The following AEBP2 variants were observed in gnomAD, a reference collection of about 807,000 sequenced individuals.
AEBP2 encodes zinc finger protein AEBP2.
AEBP2 carries 10 observed loss-of-function variants against 50.8 expected under a neutral mutation model. The ratio of observed to expected loss-of-function variants is 0.20; its 90% CI spans 0.12 to 0.33. The LOEUF is 0.33. AEBP2 is among the 10% of genes least tolerant of loss of function. The pLI, the probability that AEBP2 is intolerant of heterozygous loss-of-function variation, is 1.00. For synonymous variants in AEBP2, 296 were observed against 261.3 expected (o/e 1.13, Z -1.28); for missense variants, 570 against 688.0 (o/e 0.83, Z 1.92).
At chr12:19,509,111 A>G in intron 5 of AEBP2, 1 of 547,964 alleles carries the variant, frequency 1.8e-6, no homozygotes, top group Non-Finnish European at 3.4e-6. Context: ...GATTGTCCAA[A>G]GCAAAGAACA....
intron 5 of AEBP2, among the ~76,000 whole-genome samples, chr12:19,508,251 G>A (rs1949182186): frequency 3.3e-5 from 5 of 152,100 alleles, no homozygotes; most frequent in Admixed American, 3.3e-4. Context: ...ACTAGAAACG[G>A]GGATTCACCA....
intron 1 of AEBP2, among the ~76,000 whole-genome samples, chr12:19,448,107 A>T (rs1251793212): frequency 6.6e-6 from 1 of 152,090 alleles, no homozygotes; most frequent in Non-Finnish European, 1.5e-5. Flanking sequence ...AGGTCTTGCT[A>T]TGTTGCCGAG....
At chr12:19,513,573 G>T (rs567574718) in intron 6 of AEBP2, among the ~76,000 whole-genome samples, 2 of 152,254 alleles carry the variant, frequency 1.3e-5, no homozygotes, top group Middle Eastern at 3.4e-3. Context: ...AGCCTGGGCA[G>T]TATAGTGAAT....
chr12:19,440,870 C>G (rs1176350238), intron 1 of AEBP2: 6 of 1,040,138 alleles, frequency 5.8e-6, no homozygotes, highest in Non-Finnish European at 8.2e-6. Flanking sequence ...TCTACTTAAA[C>G]AAAAAAAGGA....
At chr12:19,463,478 A>G (rs1043640977) in intron 2 of AEBP2, among the ~76,000 whole-genome samples, 1 of 152,136 alleles carries the variant, frequency 6.6e-6, no homozygotes, top group Non-Finnish European at 1.5e-5. Context: ...TAGGCCACAC[A>G]TTTCCTATCA....
rs111420753 is a variant in AEBP2 at position 19,417,250 on chromosome 12, A to G, written c.-17+13034A>G. 2.9e-3 allele frequency among the ~76,000 whole-genome samples: 440 copies of G among 152,262 alleles called. 1 individual carries two copies. The highest frequency in any genetic ancestry group is 9.9e-3 in the African/African-American group (413 of 41,558). On this transcript the variant is annotated intron_variant, in intron 1 of 3. Transcript: ENST00000538425. ...TCCAGCTAAAGTGATTATTCAAACT[A>G]CTACCTAGATCTTCTAAATACACGC...
At chr12:19,422,098 C>T (rs952262540) in intron 1 of AEBP2, among the ~76,000 whole-genome samples, 18 of 151,926 alleles carry the variant, frequency 1.2e-4, no homozygotes, top group African/African-American at 2.4e-4. Flanking sequence ...GCTGAGATTG[C>T]GCCACTGCAC....
intron 4 of AEBP2, among the ~76,000 whole-genome samples, chr12:19,499,466 C>T (rs985593317): frequency 6.6e-6 from 1 of 151,826 alleles, no homozygotes; most frequent in Non-Finnish European, 1.5e-5. Flanking sequence ...TAACAAAAAT[C>T]AGCCGGGCTT....
At chr12:19,479,486 G>A (rs1414764809) in intron 3 of AEBP2, among the ~76,000 whole-genome samples, 1 of 151,978 alleles carries the variant, frequency 6.6e-6, no homozygotes, top group Admixed American at 6.6e-5. Context: ...CATCACCTAG[G>A]CACACAGTCA....
At chr12:19,484,626 G>A (rs1592757812) in intron 3 of AEBP2, among the ~76,000 whole-genome samples, 1 of 152,170 alleles carries the variant, frequency 6.6e-6, no homozygotes, top group East Asian at 1.9e-4. Flanking sequence ...GCCCGCCTTG[G>A]CCTCACAAAG....
chr12:19,518,607 C>A lies in AEBP2; in HGVS notation c.*490C>A. 1 of 1,397,624 alleles carries A rather than the reference C, an allele frequency of 7.2e-7. No individual in the cohort carries two copies. Among genetic ancestry groups the A allele is most frequent in the South Asian group, 1.7e-5 (1 of 59,534 alleles). The allele number at this position is 1,397,624 out of a possible 1,614,324, so 86.6% of individuals were successfully genotyped here. On this transcript the variant is annotated 3_prime_UTR_variant, in exon 8 of 8. Transcript: ENST00000266508. ...GAAATATTTAGACAATGAAAATTAT[C>A]AAGAGATAATTTACCTTTCAATTAT...
intron 3 of AEBP2, among the ~76,000 whole-genome samples, chr12:19,493,065 A>G (rs1403587178): frequency 3.3e-5 from 5 of 152,232 alleles, no homozygotes. Flanking sequence ...AACACTAGGA[A>G]GTCTGCTGAA....
intron 3 of AEBP2, among the ~76,000 whole-genome samples, chr12:19,486,055 A>G (rs895221440): frequency 6.9e-6 from 1 of 145,542 alleles, no homozygotes; most frequent in Non-Finnish European, 1.5e-5. Flanking sequence ...TTATGTTCGT[A>G]TGCACATTTG....
In AEBP2 at chr12:19,496,955, C is replaced by T. The variant is rs1191482459; in HGVS notation, c.1174+2969C>T. ...GGCTGGGATGACAGGTGTGAGTCAC[C>T]GCACCCGGCCTGATAAAATTTATAT... is the stretch of plus-strand genomic sequence containing the variant. On this transcript the variant is annotated intron_variant, in intron 4 of 7. Coordinates refer to ENST00000266508, the MANE Select transcript of AEBP2 (RefSeq NM_153207.5). Among the ~76,000 whole-genome samples, 6 of 151,310 alleles carry T rather than the reference C, an allele frequency of 4.0e-5. 1 individual carries two copies. The Middle Eastern group carries it at 0.014, about 345-fold the overall frequency.
chr12:19,479,904 A>T (rs1353301907), intron 3 of AEBP2, among the ~76,000 whole-genome samples: 1 of 151,754 alleles, frequency 6.6e-6, no homozygotes, highest in African/African-American at 2.4e-5. Context: ...GACAGCAGAT[A>T]CTTGGTTGGT....
intron 1 of AEBP2, chr12:19,418,981 A>G (rs1009852852): frequency 6.5e-6 from 1 of 154,420 alleles, no homozygotes; most frequent in Non-Finnish European, 1.5e-5. Flanking sequence ...TGCTTAGTGT[A>G]GGAGAGGTTG....
intron 1 of AEBP2, among the ~76,000 whole-genome samples, chr12:19,460,283 C>G (rs1175426822): frequency 1.3e-5 from 2 of 152,066 alleles, no homozygotes; most frequent in Non-Finnish European, 2.9e-5. Context: ...CTTAAGCTAA[C>G]AAAATTCATG....
intron 5 of AEBP2, among the ~76,000 whole-genome samples, chr12:19,511,834 T>G (rs1949236406): frequency 6.6e-6 from 1 of 152,046 alleles, no homozygotes; most frequent in African/African-American, 2.4e-5. Context: ...AACAATTAAT[T>G]TATTTTATAC....
chr12:19,409,864 C>G (rs2095738355), intron 1 of AEBP2, among the ~76,000 whole-genome samples: 1 of 152,156 alleles, frequency 6.6e-6, no homozygotes. Context: ...TACCTTGGGA[C>G]TGCATTAAAA....
Sources: allele counts gnomAD v4.1 joint callset (sites outside exome capture counted in the v4.1 genomes callset), GRCh38; gene constraint gnomAD v4.1.1; transcripts MANE v1.5; gene names NCBI Gene and HGNC (gene_info 2026-07-23, HGNC 2026-07-21).